Variants in APBB2 observed in about 807,000 individuals in gnomAD.
APBB2 encodes the protein Fe65-like 1.
APBB2 carries 38 observed loss-of-function variants against 82.5 expected under a neutral mutation model. The observed-to-expected ratio is 0.46, with a 90% CI of 0.36 to 0.60. The LOEUF is 0.60. APBB2 is among the 20% of genes least tolerant of loss of function. APBB2 has a pLI of 0.00. For synonymous variants in APBB2, 341 were observed against 368.2 expected, an observed-to-expected ratio of 0.93 and a Z score of 0.85; for missense variants, 772 against 972.3, an observed-to-expected ratio of 0.79 and a Z score of 2.74.
At chr4:40,972,894 T>A (rs984532684) in intron 6 of APBB2, among the ~76,000 whole-genome samples, 2 of 152,236 alleles carry the variant, frequency 1.3e-5, no homozygotes, top group Non-Finnish European at 2.9e-5. Flanking sequence ...GAGTGCTTAA[T>A]AAGAATTTGC....
chr4:41,118,652 T>C (rs1751846613), intron 2 of APBB2, among the ~76,000 whole-genome samples: 1 of 152,102 alleles, frequency 6.6e-6, no homozygotes, highest in African/African-American at 2.4e-5. Flanking sequence ...TATAGGAAGG[T>C]TTTTATATGT....
intron 12 of APBB2, among the ~76,000 whole-genome samples, chr4:40,870,428 C>G (rs1340622608): frequency 1.3e-5 from 2 of 152,188 alleles, no homozygotes; most frequent in African/African-American, 4.8e-5. Flanking sequence ...CAAGAGGGCC[C>G]TGGGGCACAG....
At chr4:41,079,351 T>C (rs1480653206) in intron 3 of APBB2, among the ~76,000 whole-genome samples, 1 of 152,218 alleles carries the variant, frequency 6.6e-6, no homozygotes, top group Non-Finnish European at 1.5e-5. Flanking sequence ...CCCTGATTGA[T>C]ACATTGCTCC....
chr4:41,157,036 A>G (rs1763642790), intron 1 of APBB2, among the ~76,000 whole-genome samples: 1 of 149,498 alleles, frequency 6.7e-6, no homozygotes, highest in African/African-American at 2.5e-5. Context: ...ACTGCACTCC[A>G]GCCTAGGTGA....
rs571198469 is a variant in APBB2, at chr4:40,944,444, T to C, written c.1044+421A>G. Among the ~76,000 whole-genome samples, 5 of 152,324 alleles carry C rather than the reference T, an allele frequency of 3.3e-5. 1 individual carries two copies. Among genetic ancestry groups the C allele is most frequent in the African/African-American group, 1.2e-4 (5 of 41,568 alleles). ...ATTCTTGCAGACATTCCCTCCACGC[T>C]ATCAAACGAGCCCAAGGCTAATAAG... On this transcript the variant is annotated intron_variant, in intron 7 of 17. Transcript: ENST00000508593.
In APBB2 at chr4:40,810,081, A is replaced by G. The variant is rs1038541670; in HGVS notation, c.*6011T>C. On this transcript the variant is annotated 3_prime_UTR_variant, in exon 18 of 18. Coordinates refer to ENST00000508593, the MANE Select transcript of APBB2 (RefSeq NM_004307.2). ...CAATTCAGTTGTATAGAAATGTTAC[A>G]TAAATTCCTAAATGCTCAATTCAGG... The G allele has an allele frequency of 2.6e-5, 4 of 152,240 alleles. No homozygotes were observed. In the East Asian group the frequency reaches 7.7e-4, roughly 29 times the overall value. 9.4% of individuals were successfully genotyped at this position (152,240 alleles called of 1,614,324 possible).
chr4:40,966,506 A>T (rs1334057225), intron 6 of APBB2, among the ~76,000 whole-genome samples: 2 of 152,144 alleles, frequency 1.3e-5, no homozygotes, highest in African/African-American at 4.8e-5. Context: ...CCAGCTGCTA[A>T]TGTGGACCCA....
At chr4:41,034,919 A>T (rs142538419) in intron 4 of APBB2, among the ~76,000 whole-genome samples, 1 of 152,364 alleles carries the variant, frequency 6.6e-6, no homozygotes. Context: ...ATAACATGTT[A>T]TATTAAGTCA....
intron 4 of APBB2, among the ~76,000 whole-genome samples, chr4:41,059,852 T>G (rs1294059435): frequency 3.3e-5 from 5 of 152,084 alleles, no homozygotes; most frequent in Non-Finnish European, 5.9e-5. Flanking sequence ...GTGTCTTTAA[T>G]TCCTCTAGTG....
intron 6 of APBB2, among the ~76,000 whole-genome samples, chr4:40,974,061 T>C (rs2154399807): frequency 6.6e-6 from 1 of 152,024 alleles, no homozygotes; most frequent in Non-Finnish European, 1.5e-5. Flanking sequence ...ATTACGGTGG[T>C]CAGGCTGGTC....
chr4:41,063,780 G>A (rs991960492), intron 4 of APBB2, among the ~76,000 whole-genome samples: 7 of 152,012 alleles, frequency 4.6e-5, no homozygotes, highest in African/African-American at 1.7e-4. Flanking sequence ...CTGGGCTCAA[G>A]CAATCCTCCC....
At chr4:41,157,090 T>C (rs1184294472) in intron 1 of APBB2, among the ~76,000 whole-genome samples, 1 of 143,632 alleles carries the variant, frequency 7.0e-6, no homozygotes, top group African/African-American at 2.6e-5. Flanking sequence ...AAAACAAGGA[T>C]CATAACATCC....
At chr4:41,066,272 C>A (rs1731780191) in intron 3 of APBB2, among the ~76,000 whole-genome samples, 3 of 152,178 alleles carry the variant, frequency 2.0e-5, no homozygotes, top group Admixed American at 2.0e-4. Flanking sequence ...CAGAAGTCCC[C>A]TTCATGCTCC....
intron 1 of APBB2, among the ~76,000 whole-genome samples, chr4:41,188,110 T>A (rs775760323): frequency 3.3e-5 from 5 of 152,216 alleles, no homozygotes; most frequent in Non-Finnish European, 7.3e-5. Context: ...TAGTTATGTA[T>A]CTTTCTATTC....
At chr4:40,829,849 T>A (rs2437345) in intron 13 of APBB2, among the ~76,000 whole-genome samples, 121,765 of 152,070 alleles carry the variant, frequency 0.8, 49,245 homozygotes, top group African/African-American at 0.9. Flanking sequence ...CTGGACAGGG[T>A]GCTTCTACGA....
At chr4:40,965,237 C>T (rs1485602319) in intron 6 of APBB2, among the ~76,000 whole-genome samples, 5 of 152,054 alleles carry the variant, frequency 3.3e-5, no homozygotes, top group Admixed American at 6.6e-5. Context: ...GCTTTGCATG[C>T]GTGGAGCAGG....
intron 7 of APBB2, chr4:40,935,404 A>T: frequency 4.5e-6 from 2 of 441,416 alleles, no homozygotes; most frequent in Non-Finnish European, 7.9e-6. Flanking sequence ...CAGTGAAGTT[A>T]TTTCCTTAAG....
chr4:40,917,490 C>T (rs1780143910), intron 10 of APBB2, among the ~76,000 whole-genome samples: 1 of 150,072 alleles, frequency 6.7e-6, no homozygotes, highest in Non-Finnish European at 1.5e-5. Context: ...TTTTTCATAT[C>T]CCACAATACC....
chr4:40,998,001 TGACA>T (rs774280144), intron 6 of APBB2, among the ~76,000 whole-genome samples: 1 of 152,220 alleles, frequency 6.6e-6, no homozygotes, highest in African/African-American at 2.4e-5. Context: ...AAAGAACAAC[TGACA>T]GACAAACTAT....
Sources: gnomAD v4.1 joint callset for allele counts (sites outside exome capture counted in the v4.1 genomes callset) on GRCh38, gnomAD v4.1.1 for gene constraint, MANE v1.5 for transcripts, NCBI Gene and HGNC (gene_info 2026-07-23, HGNC 2026-07-21) for gene names.